The following ADAM2 variants were observed in gnomAD, a reference collection of about 807,000 sequenced individuals.
The protein encoded by ADAM2 is disintegrin and metalloproteinase domain-containing protein 2.
ADAM2 carries 101 observed loss-of-function variants against 99.3 expected under a neutral mutation model. The observed-to-expected ratio is 1.02, with a 90% confidence interval of 0.87 to 1.20. ADAM2 has a LOEUF of 1.20. Ranked by LOEUF, ADAM2 falls within the 50% of genes most tolerant of loss-of-function variation. ADAM2 has a pLI of 0.00. For synonymous variants in ADAM2, 323 were observed against 287.6 expected (o/e 1.12, Z -1.25); for missense variants, 948 against 878.7 (o/e 1.08, Z -1.00).
intron 10 of ADAM2, among the ~76,000 whole-genome samples, chr8:39,781,831 G>A (rs1322910518): frequency 6.6e-6 from 1 of 152,140 alleles, no homozygotes; most frequent in Non-Finnish European, 1.5e-5. Flanking sequence ...CACTATCGAG[G>A]TAGAGTCATT....
intron 16 of ADAM2, among the ~76,000 whole-genome samples, chr8:39,751,648 T>G (rs955469001): frequency 3.3e-5 from 5 of 152,136 alleles, no homozygotes; most frequent in Non-Finnish European, 7.4e-5. Flanking sequence ...CATATAGCAA[T>G]AGTAATATTA....
intron 3 of ADAM2, among the ~76,000 whole-genome samples, chr8:39,832,152 T>A (rs1805644234): frequency 6.6e-6 from 1 of 152,194 alleles, no homozygotes; most frequent in Non-Finnish European, 1.5e-5. Context: ...TTGTGCAATG[T>A]CATAAAATTG....
At chr8:39,774,154 G>A (rs1802894847) in intron 11 of ADAM2, among the ~76,000 whole-genome samples, 1 of 151,748 alleles carries the variant, frequency 6.6e-6, no homozygotes, top group African/African-American at 2.4e-5. Flanking sequence ...GATAAATGAG[G>A]GTTACAAAGC....
intron 10 of ADAM2, among the ~76,000 whole-genome samples, chr8:39,784,961 C>G (rs1373926121): frequency 6.6e-6 from 1 of 152,090 alleles, no homozygotes; most frequent in African/African-American, 2.4e-5. Context: ...AGGCCTTTGT[C>G]AGATGTATAG....
chr8:39,780,348 C>G (rs1203702520), intron 10 of ADAM2, among the ~76,000 whole-genome samples: 1 of 152,056 alleles, frequency 6.6e-6, no homozygotes, highest in Non-Finnish European at 1.5e-5. Context: ...CAAACCATAT[C>G]AAAGAGCATT....
chr8:39,793,875 C>A (rs1803824550), intron 7 of ADAM2, among the ~76,000 whole-genome samples: 2 of 152,004 alleles, frequency 1.3e-5, no homozygotes, highest in Non-Finnish European at 1.5e-5. Flanking sequence ...TAATGTCCAA[C>A]AATGGGCAGA....
intron 18 of ADAM2, among the ~76,000 whole-genome samples, chr8:39,748,808 C>T (rs1823581006): frequency 6.6e-6 from 1 of 152,132 alleles, no homozygotes; most frequent in South Asian, 2.1e-4. Context: ...GAATCTCCAA[C>T]AGTGACTGTA....
chr8:39,821,301 G>T, intron 5 of ADAM2, 131 bp from the exon 6 acceptor site: 5 of 682,290 alleles, frequency 7.3e-6, no homozygotes, highest in Middle Eastern at 8.4e-4. Context: ...TAAAATAGGA[G>T]AAAGTTACTG....
chr8:39,812,061 A>G (rs1804724902), intron 6 of ADAM2, among the ~76,000 whole-genome samples: 1 of 152,216 alleles, frequency 6.6e-6, no homozygotes, highest in Admixed American at 6.5e-5. Context: ...CCTTAAGCTG[A>G]TAAGCAACTT....
rs1205252139 is a variant in ADAM2, at chr8:39,788,714, A to G, written c.597T>C (p.Thr199=). The change falls in exon 8 of 21, where the codon ACT becomes ACC. Residue 199 remains threonine (T), a synonymous_variant. Coordinates refer to ENST00000265708, the MANE Select transcript of ADAM2 (RefSeq NM_001464.5). ...QLYNHMGSDT[T]VVAQKVFQLI... is the part of the protein sequence containing the mutation. ...ACTGGAAAACTTTTTGAGCGACAAC[A>G]GTTGTATCAGACCCCATATGATTAT... 1 of 1,575,686 alleles carries G rather than the reference A, an allele frequency of 6.3e-7. No individual in the cohort carries two copies.
intron 6 of ADAM2, among the ~76,000 whole-genome samples, chr8:39,813,576 A>G (rs1168013108): frequency 6.6e-6 from 1 of 152,236 alleles, no homozygotes; most frequent in East Asian, 1.9e-4. Flanking sequence ...CACACCATGG[A>G]ATACTATGTA....
chr8:39,806,537 A>C (rs1230719880), intron 7 of ADAM2, among the ~76,000 whole-genome samples: 1 of 148,654 alleles, frequency 6.7e-6, no homozygotes, highest in Non-Finnish European at 1.5e-5. Context: ...ATATATAAAT[A>C]TATATAAAAT....
At position 39,791,650 on chromosome 8, in the gene ADAM2, G is replaced by A. The variant is rs191316752; in HGVS notation, c.571-2910C>T. ...TTCGTTGAGCTCTCTGATACTTTTG[G>A]CTTTCCAGTTCAAGGTCCTTTTGTG... is the stretch of plus-strand genomic sequence containing the variant. On this transcript the variant is annotated intron_variant, in intron 7 of 20. Transcript: ENST00000265708. Among the ~76,000 whole-genome samples, 802 of 152,054 alleles carry A rather than the reference G, an allele frequency of 5.3e-3. 8 individuals carry two copies. The highest frequency in any genetic ancestry group is 6.6e-3 in the South Asian group (32 of 4,816).
chr8:39,745,260 T>C (rs891294952), intron 19 of ADAM2, among the ~76,000 whole-genome samples: 7 of 152,182 alleles, frequency 4.6e-5, no homozygotes, highest in African/African-American at 1.7e-4. Flanking sequence ...AGATATTTGA[T>C]ATCAGTTATT....
chr8:39,820,405 C>T (rs921097479), intron 6 of ADAM2, among the ~76,000 whole-genome samples: 1 of 152,072 alleles, frequency 6.6e-6, no homozygotes, highest in African/African-American at 2.4e-5. Flanking sequence ...ATGGTACTGC[C>T]GTCAAAGAGA....
Position 39,755,899 on chromosome 8 carries a change from G to T in ADAM2, c.1626C>A (p.Cys542Ter), listed in dbSNP as rs201864039. 2.0e-5 allele frequency: 30 copies of T among 1,522,976 alleles called. No individual in the cohort carries two copies. The East Asian group carries it at 5.5e-4, about 28-fold the overall frequency. The allele number at this position is 1,522,976 out of a possible 1,614,324, so 94.3% of individuals were successfully genotyped here. A position where few individuals can be genotyped will look rare whatever the true frequency, so the allele number is the denominator to read the frequency against. ...CTACATATTTACATATTAATTTTCC[G>T]CACTGCAGATTGCTATAATTTATCC... ...YTQCEADNLQCGKLICKYVGK... is the reference protein window; with the variant it reads ...YTQCEADNLQ The change falls in exon 16 of 21, where the codon TGC becomes TGA. Residue 542 changes from cysteine (C) to a stop codon, truncating the protein, a stop_gained. Transcript: ENST00000265708. LOFTEE classifies it high-confidence loss of function.
intron 18 of ADAM2, among the ~76,000 whole-genome samples, chr8:39,747,054 C>T (rs7014362): frequency 6.6e-6 from 1 of 152,130 alleles, no homozygotes; most frequent in African/African-American, 2.4e-5. Flanking sequence ...ACCATCTATG[C>T]CTATAGTTTT....
At chr8:39,759,186 A>G (rs1350304908) in intron 15 of ADAM2, among the ~76,000 whole-genome samples, 1 of 152,168 alleles carries the variant, frequency 6.6e-6, no homozygotes, top group Non-Finnish European at 1.5e-5. Context: ...AAAATGTCCA[A>G]TACTGAAAGA....
intron 7 of ADAM2, among the ~76,000 whole-genome samples, chr8:39,791,354 C>A (rs1422243122): frequency 6.6e-6 from 1 of 152,076 alleles, no homozygotes; most frequent in East Asian, 1.9e-4. Flanking sequence ...TTCCTCATTT[C>A]TGATAAATCT....
Sources: gnomAD v4.1 joint callset for allele counts (sites outside exome capture counted in the v4.1 genomes callset) on GRCh38, gnomAD v4.1.1 for gene constraint, MANE v1.5 for transcripts, NCBI Gene and HGNC (gene_info 2026-07-23, HGNC 2026-07-21) for gene names.